DDR2: variants seen among roughly 807,000 people sequenced by gnomAD.
The protein encoded by DDR2 is discoidin domain-containing receptor 2.
DDR2 carries 27 observed loss-of-function variants against 94.9 expected under a neutral mutation model. The ratio of observed to expected loss-of-function variants is 0.28; its 90% CI spans 0.21 to 0.39. The LOEUF (loss-of-function observed/expected upper bound fraction) is 0.39. DDR2 is among the 10% of genes least tolerant of loss of function. The probability of loss-of-function intolerance (pLI) is 1.00; values close to 1 mark genes in which losing one functional copy is unlikely to be tolerated. For synonymous variants in DDR2, 382 were observed against 377.2 expected, an observed-to-expected ratio of 1.01 and a Z score of -0.15; for missense variants, 783 against 1,076.0, an observed-to-expected ratio of 0.73 and a Z score of 3.81.
chr1:162,666,941 T>C (rs1658605864), intron 2 of DDR2, among the ~76,000 whole-genome samples: 1 of 150,136 alleles, frequency 6.7e-6, no homozygotes, highest in Admixed American at 6.7e-5. Flanking sequence ...TGAATATATA[T>C]ATGCAAACTC....
At chr1:162,728,316 T>A (rs908028789) in intron 3 of DDR2, among the ~76,000 whole-genome samples, 2 of 151,540 alleles carry the variant, frequency 1.3e-5, no homozygotes, top group African/African-American at 4.8e-5. Context: ...TCCAATGTCA[T>A]GCTAGTTGAG....
chr1:162,692,116 T>C (rs1224671413), intron 2 of DDR2, among the ~76,000 whole-genome samples: 1 of 152,200 alleles, frequency 6.6e-6, no homozygotes, highest in Non-Finnish European at 1.5e-5. Context: ...ACAAACCTTC[T>C]GCTCTAGTGA....
At chr1:162,761,541 C>T in intron 9 of DDR2, 87 bp downstream of exon 9, 1 of 1,600,574 alleles carries the variant, frequency 6.2e-7, no homozygotes, top group Non-Finnish European at 8.5e-7. Context: ...TAGCAGGTCT[C>T]TGAGAGGAGT....
intron 2 of DDR2, among the ~76,000 whole-genome samples, chr1:162,694,236 C>T (rs1427242623): frequency 6.6e-6 from 1 of 152,182 alleles, no homozygotes; most frequent in East Asian, 1.9e-4. Context: ...TAAAAGCCCT[C>T]CAGTGGCTCT....
chr1:162,717,687 T>C (rs1372532888), intron 2 of DDR2, among the ~76,000 whole-genome samples: 1 of 152,196 alleles, frequency 6.6e-6, no homozygotes, highest in Non-Finnish European at 1.5e-5. Context: ...ACTGAGACTT[T>C]TCTGGTGATT....
intron 2 of DDR2, among the ~76,000 whole-genome samples, chr1:162,714,493 A>C (rs1228140549): frequency 6.6e-6 from 1 of 152,126 alleles, no homozygotes; most frequent in African/African-American, 2.4e-5. Flanking sequence ...AAACTTCTTC[A>C]CCAAGTTTAA....
At chr1:162,748,579 A>C (rs1431361893) in intron 3 of DDR2, among the ~76,000 whole-genome samples, 1 of 152,338 alleles carries the variant, frequency 6.6e-6, no homozygotes, top group East Asian at 1.9e-4. Context: ...CCCCACTGTC[A>C]ACATTAGACA....
intron 12 of DDR2, among the ~76,000 whole-genome samples, chr1:162,771,271 A>T (rs1438369652): frequency 2.0e-5 from 3 of 152,234 alleles, no homozygotes; most frequent in African/African-American, 7.2e-5. Flanking sequence ...GACCCGAGTC[A>T]GTAGAAAAGA....
intron 2 of DDR2, among the ~76,000 whole-genome samples, chr1:162,711,126 G>A (rs539274427): frequency 6.6e-6 from 1 of 152,298 alleles, no homozygotes; most frequent in African/African-American, 2.4e-5. Context: ...GACATGTCTT[G>A]CTTTTTACAC....
chr1:162,711,731 AG>A (rs1411262426), intron 2 of DDR2, among the ~76,000 whole-genome samples: 1 of 152,196 alleles, frequency 6.6e-6, no homozygotes, highest in African/African-American at 2.4e-5. Flanking sequence ...TACATTTCAA[AG>A]GTGTTTCTCT....
In DDR2 at chr1:162,780,323, C is replaced by G. The variant is rs886045499; in HGVS notation, c.*77C>G. On this transcript the variant is annotated 3_prime_UTR_variant, in exon 18 of 18. Transcript: ENST00000367921. ...CTACCACTCACCCATGCCTATGCCA[C>G]TCCATCTGGACATTTAATGAAACTG... 19 of 1,599,386 alleles carry G rather than the reference C, an allele frequency of 1.2e-5. No homozygotes were observed. The highest frequency in any genetic ancestry group is 1.6e-5 in the Non-Finnish European group (19 of 1,169,932).
At chr1:162,741,005 A>G (rs1021576741) in intron 3 of DDR2, among the ~76,000 whole-genome samples, 17 of 151,886 alleles carry the variant, frequency 1.1e-4, no homozygotes, top group African/African-American at 4.1e-4. Flanking sequence ...GTATTGGGAC[A>G]AACTTTGGAT....
chr1:162,657,906 C>T (rs1011491320), intron 2 of DDR2, among the ~76,000 whole-genome samples: 1 of 152,196 alleles, frequency 6.6e-6, no homozygotes, highest in Non-Finnish European at 1.5e-5. Flanking sequence ...AACGCCCCCA[C>T]CTCGGCTCCC....
intron 2 of DDR2, among the ~76,000 whole-genome samples, chr1:162,712,558 C>T (rs1660967413): frequency 1.3e-5 from 2 of 151,976 alleles, no homozygotes; most frequent in South Asian, 4.2e-4. Context: ...CTGTCCAGAT[C>T]CCAGTGGGGG....
chr1:162,649,567 G>T (rs1004483554), intron 1 of DDR2, among the ~76,000 whole-genome samples: 1 of 152,126 alleles, frequency 6.6e-6, no homozygotes, highest in Non-Finnish European at 1.5e-5. Flanking sequence ...TATTCAAAAA[G>T]GAAAATAATC....
intron 1 of DDR2, among the ~76,000 whole-genome samples, chr1:162,633,502 C>T (rs927228415): frequency 1.3e-5 from 2 of 152,202 alleles, no homozygotes; most frequent in African/African-American, 2.4e-5. Context: ...CTAACCCCTT[C>T]GCTCCACAGA....
intron 2 of DDR2, among the ~76,000 whole-genome samples, chr1:162,700,665 T>C (rs112008932): frequency 2.6e-5 from 4 of 152,166 alleles, no homozygotes; most frequent in Non-Finnish European, 4.4e-5. Context: ...TGTTAAAGCA[T>C]ACATTGTAAC....
In DDR2 at chr1:162,749,108, G is replaced by A. The variant is rs541769915; in HGVS notation, c.83-3987G>A. On this transcript the variant is annotated intron_variant, in intron 3 of 17. Coordinates refer to ENST00000367921, the MANE Select transcript of DDR2 (RefSeq NM_006182.4). The stretch of plus-strand genomic sequence containing the variant: ...ACAATTAAAAGAACTAGAGAAGCAA[G>A]AGCAAACACATTCAAAAGCTAGCAG... Among the ~76,000 whole-genome samples, 38 of 152,238 alleles carry A rather than the reference G, an allele frequency of 2.5e-4. 1 individual carries two copies. The South Asian group carries it at 5.4e-3, about 22-fold the overall frequency.
intron 3 of DDR2, among the ~76,000 whole-genome samples, chr1:162,727,403 T>C (rs1346851420): frequency 1.4e-5 from 2 of 145,168 alleles, no homozygotes; most frequent in Non-Finnish European, 3.0e-5. Context: ...TTTATGTGTG[T>C]ATATTTATGT....
Sources: gnomAD v4.1 joint callset for allele counts (sites outside exome capture counted in the v4.1 genomes callset) on GRCh38, gnomAD v4.1.1 for gene constraint, MANE v1.5 for transcripts, NCBI Gene and HGNC (gene_info 2026-07-23, HGNC 2026-07-21) for gene names.